SLC16A12: variants seen among roughly 807,000 people sequenced by gnomAD.
The protein encoded by SLC16A12 is monocarboxylate transporter 12.
SLC16A12 carries 17 observed loss-of-function variants against 42.4 expected under a neutral mutation model. The observed-to-expected ratio is 0.40, with a 90% confidence interval of 0.27 to 0.60. The LOEUF is 0.60. Among genes scored for constraint, SLC16A12 ranks in the 20% least tolerant of loss-of-function variants. The pLI, the probability that SLC16A12 is intolerant of heterozygous loss-of-function variation, is 0.42. For synonymous variants in SLC16A12, 224 were observed against 229.4 expected, an observed-to-expected ratio of 0.98 and a Z score of 0.21; for missense variants, 544 against 623.0, an observed-to-expected ratio of 0.87 and a Z score of 1.35.
chr10:89,466,791 C>A (rs550996131), intron 2 of SLC16A12, among the ~76,000 whole-genome samples: 185 of 152,280 alleles, frequency 1.2e-3, no homozygotes, highest in Non-Finnish European at 2.1e-3. Flanking sequence ...ACTGCACACA[C>A]ATTTGTGTGC....
At chr10:89,505,066 T>C (rs1242379495) in intron 2 of SLC16A12, among the ~76,000 whole-genome samples, 2 of 152,106 alleles carry the variant, frequency 1.3e-5, no homozygotes, top group Non-Finnish European at 2.9e-5. Context: ...TTATACATGT[T>C]ATACATAATT....
At chr10:89,513,112 G>A (rs900359515) in intron 2 of SLC16A12, among the ~76,000 whole-genome samples, 2 of 152,178 alleles carry the variant, frequency 1.3e-5, no homozygotes, top group South Asian at 4.2e-4. Flanking sequence ...TAATGACACA[G>A]AATTGTACCC....
chr10:89,513,584 T>C (rs1378838627), intron 2 of SLC16A12, among the ~76,000 whole-genome samples: 2 of 152,212 alleles, frequency 1.3e-5, no homozygotes, highest in African/African-American at 4.8e-5. Context: ...TAATACTTAA[T>C]ATATTTATAA....
rs1166216557 is a variant in SLC16A12, at chr10:89,522,663, T to A, written c.-47+11838A>T. ...AAGTCTTAAGTACTCCATGTGCCCC[T>A]CATTTTCAGCAGTACAGCATGATGG... On this transcript the variant is annotated intron_variant, in intron 2 of 7. Transcript: ENST00000371790. Among the ~76,000 whole-genome samples the A allele has an allele frequency of 3.3e-5, 5 of 152,216 alleles. No individual in the cohort carries two copies. The East Asian group carries it at 9.6e-4, about 29-fold the overall frequency.
At chr10:89,525,809 G>A (rs996371346) in intron 2 of SLC16A12, among the ~76,000 whole-genome samples, 4 of 152,172 alleles carry the variant, frequency 2.6e-5, no homozygotes, top group Admixed American at 1.3e-4. Flanking sequence ...TGACCTAAAC[G>A]TCCATGGGAT....
chr10:89,438,446 C>A (rs1375667081), intron 6 of SLC16A12, among the ~76,000 whole-genome samples, 158 bp downstream of exon 6: 1 of 152,148 alleles, frequency 6.6e-6, no homozygotes, highest in East Asian at 1.9e-4. Context: ...ATTTTGCCAA[C>A]CTCTGATCTA....
chr10:89,500,013 T>C (rs1363825297), intron 2 of SLC16A12, among the ~76,000 whole-genome samples: 3 of 152,174 alleles, frequency 2.0e-5, no homozygotes, highest in African/African-American at 7.2e-5. Context: ...AAGGCTATTA[T>C]GAATACCTTT....
At chr10:89,457,779 T>A (rs1358407618) in intron 3 of SLC16A12, among the ~76,000 whole-genome samples, 2 of 152,224 alleles carry the variant, frequency 1.3e-5, no homozygotes, top group Non-Finnish European at 2.9e-5. Context: ...TATTTCTTTT[T>A]GGAACAAAGA....
At chr10:89,512,361 C>T (rs1843176226) in intron 2 of SLC16A12, among the ~76,000 whole-genome samples, 1 of 152,150 alleles carries the variant, frequency 6.6e-6, no homozygotes, top group Non-Finnish European at 1.5e-5. Flanking sequence ...TCTTTTTGCA[C>T]ACTAATGAGA....
chr10:89,483,371 G>A (rs1382401710), intron 2 of SLC16A12, among the ~76,000 whole-genome samples: 4 of 152,084 alleles, frequency 2.6e-5, no homozygotes, highest in African/African-American at 9.7e-5. Flanking sequence ...GAGGCAGCTG[G>A]GCAGATCTTC....
chr10:89,452,036 A>C (rs979225644), intron 3 of SLC16A12, among the ~76,000 whole-genome samples: 1 of 152,238 alleles, frequency 6.6e-6, no homozygotes, highest in African/African-American at 2.4e-5. Flanking sequence ...GTGTTATAAG[A>C]ATCACAAAGG....
intron 6 of SLC16A12, among the ~76,000 whole-genome samples, chr10:89,436,912 GAA>G (rs35837160): frequency 6.3e-3 from 504 of 80,228 alleles, no homozygotes; most frequent in South Asian, 0.022. Flanking sequence ...AAGAAAGAAA[GAA>G]AAAGAAAGAG....
intron 5 of SLC16A12, 34 bp downstream of exon 5, chr10:89,441,074 G>A: frequency 6.2e-7 from 1 of 1,612,192 alleles, no homozygotes; most frequent in African/African-American, 1.3e-5. Flanking sequence ...CCTGAATGGA[G>A]TGGGGTGAGA....
chr10:89,447,779 G>A lies in SLC16A12; in HGVS notation c.201-3920C>T, dbSNP rs909928532. ...AATCAGAGCAGAACTGAAGGAGACA[G>A]AGACAAGAAAACCCCTTCCAAAAAA... On this transcript the variant is annotated intron_variant, in intron 3 of 7. Transcript: ENST00000371790. 2.7e-4 allele frequency among the ~76,000 whole-genome samples: 41 copies of A among 152,270 alleles called. No homozygotes were observed. In the Middle Eastern group the frequency reaches 0.01, roughly 38 times the overall value.
intron 2 of SLC16A12, among the ~76,000 whole-genome samples, chr10:89,471,959 T>G (rs1406997874): frequency 6.6e-6 from 1 of 152,168 alleles, no homozygotes; most frequent in African/African-American, 2.4e-5. Context: ...TATGCCTATA[T>G]TTTACTAGGT....
intron 2 of SLC16A12, among the ~76,000 whole-genome samples, chr10:89,520,339 A>G (rs1453524696): frequency 6.6e-6 from 1 of 152,188 alleles, no homozygotes; most frequent in South Asian, 2.1e-4. Flanking sequence ...AAGCAAGGCA[A>G]TTTGCAACAT....
chr10:89,449,463 G>A (rs56290559), intron 3 of SLC16A12, among the ~76,000 whole-genome samples: 9,113 of 152,096 alleles, frequency 0.06, 546 homozygotes, highest in African/African-American at 0.16. Context: ...ACACATCTAA[G>A]ACCATCTGAT....
rs1843789595 is a variant in SLC16A12, at chr10:89,554,076, GAAAGAAAGAAAGAAAGAAA to G, written c.-47+1787_-47+1805del. Among the ~76,000 whole-genome samples the G allele has an allele frequency of 2.7e-3, 300 of 112,338 alleles. 1 individual carries two copies. Among genetic ancestry groups the G allele is most frequent in the Non-Finnish European group, 3.6e-3 (189 of 52,424 alleles). 73.7% of individuals were successfully genotyped at this position (112,338 alleles called of 152,430 possible). The stretch of plus-strand genomic sequence containing the variant: ...AGAAAGAAAGAAAGAAAGAAAGAAA[GAAAGAAAGAAAGAAAGAAA>G]GAAAGAAGGAAGGAAGGAAGGAAGG... On this transcript the variant is annotated intron_variant, in intron 2 of 2. Transcript: ENST00000475682.
rs868429062 is a variant in SLC16A12, at chr10:89,447,885, A to T, written c.201-4026T>A. Among the ~76,000 whole-genome samples, 4 of 152,334 alleles carry T rather than the reference A, an allele frequency of 2.6e-5. No individual in the cohort carries two copies. The Middle Eastern group carries it at 0.01, about 389-fold the overall frequency. The stretch of plus-strand genomic sequence containing the variant: ...GCAAGACTAATGAAGAAGAAAAGAG[A>T]GAAGAATCAAATCAAATAGATGCGA... On this transcript the variant is annotated intron_variant, in intron 3 of 7. Coordinates refer to ENST00000371790, the MANE Select transcript of SLC16A12 (RefSeq NM_213606.4).
Sources: gnomAD v4.1 joint callset for allele counts (sites outside exome capture counted in the v4.1 genomes callset) on GRCh38, gnomAD v4.1.1 for gene constraint, MANE v1.5 for transcripts, NCBI Gene and HGNC (gene_info 2026-07-23, HGNC 2026-07-21) for gene names.